The following GALNTL6 variants were observed in gnomAD, a reference collection of about 807,000 sequenced individuals.
GALNTL6 encodes polypeptide N-acetylgalactosaminyltransferase like 6.
Under a neutral mutation model 73.7 loss-of-function variants are expected in GALNTL6, and 46 were observed. The observed-to-expected ratio is 0.62, with a 90% CI of 0.49 to 0.80. The LOEUF (loss-of-function observed/expected upper bound fraction) is 0.80, where lower values mean the gene tolerates loss of function less well. Ranked by LOEUF, GALNTL6 falls within the 30% of genes least tolerant of loss-of-function variation. The pLI, the probability that GALNTL6 is intolerant of heterozygous loss-of-function variation, is 0.00. For missense variants in GALNTL6, 604 were observed against 755.0 expected (o/e 0.80, Z 2.34); for synonymous variants, 259 against 263.7 (o/e 0.98, Z 0.17).
chr4:172,177,817 G>GTATATATATACAAACACATATA (rs1248713220), intron 2 of GALNTL6, among the ~76,000 whole-genome samples: 1 of 132,170 alleles, frequency 7.6e-6, no homozygotes, highest in Non-Finnish European at 1.6e-5. Context: ...ATATATGTGT[G>GTATATATATACAAACACATATA]TGTATATATA....
chr4:172,049,507 A>C (rs1383574477), intron 2 of GALNTL6, among the ~76,000 whole-genome samples: 1 of 152,168 alleles, frequency 6.6e-6, no homozygotes, highest in Admixed American at 6.6e-5. Flanking sequence ...ATTAAATAGA[A>C]AATGTAGTTT....
chr4:172,568,757 CAAAAAAAAAA>C (rs71592082), intron 5 of GALNTL6, among the ~76,000 whole-genome samples: 3 of 67,076 alleles, frequency 4.5e-5, no homozygotes, highest in East Asian at 4.8e-4. Context: ...GACTCCATCT[CAAAAAAAAAA>C]AAAAAAAAAA....
chr4:172,615,710 A>AT (rs1738700544), intron 5 of GALNTL6, among the ~76,000 whole-genome samples: 1 of 152,202 alleles, frequency 6.6e-6, no homozygotes, highest in African/African-American at 2.4e-5. Flanking sequence ...ATTGAGTAGA[A>AT]CTGAAAATAC....
chr4:172,605,243 A>G (rs2111033444), intron 5 of GALNTL6, among the ~76,000 whole-genome samples: 1 of 152,314 alleles, frequency 6.6e-6, no homozygotes, highest in Admixed American at 6.5e-5. Context: ...GCTAAAATAT[A>G]GGAAAAGTAT....
intron 2 of GALNTL6, among the ~76,000 whole-genome samples, chr4:172,023,425 G>A (rs1315924516): frequency 2.6e-5 from 4 of 151,654 alleles, no homozygotes; most frequent in Non-Finnish European, 5.9e-5. Flanking sequence ...CCTTTCACAT[G>A]TTGGGTATCT....
At chr4:172,313,811 C>A in intron 4 of GALNTL6, among the ~76,000 whole-genome samples, 1 of 150,676 alleles carries the variant, frequency 6.6e-6, no homozygotes, top group East Asian at 1.9e-4. Flanking sequence ...CGAAAACAAA[C>A]AACAACAGCA....
intron 6 of GALNTL6, among the ~76,000 whole-genome samples, chr4:172,810,032 T>G (rs1448773093): frequency 6.6e-6 from 1 of 152,026 alleles, no homozygotes; most frequent in Non-Finnish European, 1.5e-5. Context: ...TAGAAGCACC[T>G]TGACATTTTC....
At chr4:173,004,141 G>A (rs866867239) in intron 10 of GALNTL6, among the ~76,000 whole-genome samples, 3 of 151,550 alleles carry the variant, frequency 2.0e-5, no homozygotes, top group South Asian at 2.1e-4. Context: ...CTGTGAACAC[G>A]CCACTGCAGT....
chr4:172,287,976 T>C (rs559958239), intron 3 of GALNTL6, among the ~76,000 whole-genome samples: 1 of 152,298 alleles, frequency 6.6e-6, no homozygotes, highest in East Asian at 1.9e-4. Flanking sequence ...AAAGTGAATA[T>C]GGATTTTGCT....
intron 10 of GALNTL6, among the ~76,000 whole-genome samples, chr4:172,999,794 A>C (rs1291691100): frequency 6.6e-6 from 1 of 151,612 alleles, no homozygotes; most frequent in African/African-American, 2.4e-5. Flanking sequence ...TAATTTGGAT[A>C]TATTATTTGG....
At chr4:171,829,379 A>G (rs1490202515) in intron 2 of GALNTL6, among the ~76,000 whole-genome samples, 1 of 152,044 alleles carries the variant, frequency 6.6e-6, no homozygotes, top group Non-Finnish European at 1.5e-5. Flanking sequence ...TCCAGTCTTA[A>G]ATCTCTTTAT....
At chr4:172,937,996 C>T (rs1022113906) in intron 9 of GALNTL6, among the ~76,000 whole-genome samples, 3 of 152,140 alleles carry the variant, frequency 2.0e-5, no homozygotes, top group Admixed American at 2.0e-4. Context: ...AATCTACATA[C>T]AAGTTACAAA....
chr4:172,675,479 G>T (rs1225487368), intron 5 of GALNTL6, among the ~76,000 whole-genome samples: 2 of 152,196 alleles, frequency 1.3e-5, no homozygotes, highest in Admixed American at 6.5e-5. Context: ...GGGAATGTGT[G>T]CATGGTGGCA....
chr4:171,837,497 A>G (rs978834476), intron 2 of GALNTL6, among the ~76,000 whole-genome samples: 3 of 150,878 alleles, frequency 2.0e-5, no homozygotes, highest in East Asian at 3.9e-4. Context: ...GTCACTATTC[A>G]AAGCAATGGG....
intron 7 of GALNTL6, among the ~76,000 whole-genome samples, chr4:172,868,463 T>A (rs891087433): frequency 4.6e-5 from 7 of 152,244 alleles, no homozygotes; most frequent in African/African-American, 1.7e-4. Flanking sequence ...AGTTGAAATG[T>A]TAATTGTCTG....
intron 5 of GALNTL6, among the ~76,000 whole-genome samples, chr4:172,423,313 A>C (rs1244794404): frequency 6.6e-6 from 1 of 152,026 alleles, no homozygotes; most frequent in Non-Finnish European, 1.5e-5. Context: ...TGCATTTCTC[A>C]CAGAACAAAA....
At chr4:172,959,469 T>G (rs1006313861) in intron 10 of GALNTL6, among the ~76,000 whole-genome samples, 1 of 151,950 alleles carries the variant, frequency 6.6e-6, no homozygotes, top group Non-Finnish European at 1.5e-5. Context: ...ACAACAGTTA[T>G]GGAGGCAAGG....
chr4:172,627,980 A>C (rs1246651929), intron 5 of GALNTL6, among the ~76,000 whole-genome samples: 3 of 151,406 alleles, frequency 2.0e-5, no homozygotes, highest in Non-Finnish European at 4.4e-5. Context: ...CTTTGTATGG[A>C]TTTCGGGGTC....
chr4:172,768,523 G>C (rs1350473062), intron 5 of GALNTL6, among the ~76,000 whole-genome samples: 9 of 152,080 alleles, frequency 5.9e-5, no homozygotes, highest in Non-Finnish European at 1.3e-4. Context: ...GAGGAGTGTG[G>C]GTATACTCAA....
Sources: allele counts gnomAD v4.1 joint callset (sites outside exome capture counted in the v4.1 genomes callset), GRCh38; gene constraint gnomAD v4.1.1; transcripts MANE v1.5; gene names NCBI Gene and HGNC (gene_info 2026-07-23, HGNC 2026-07-21).